PHACTR3: variants seen among roughly 807,000 people sequenced by gnomAD.
PHACTR3 encodes the protein phosphatase and actin regulator 3.
A neutral mutation model predicts 66.8 loss-of-function variants in PHACTR3; 16 were observed. The observed-to-expected ratio is 0.24, with a 90% CI of 0.16 to 0.36. PHACTR3 has a LOEUF of 0.36. PHACTR3 is among the 10% of genes least tolerant of loss of function. The pLI is 1.00. For missense variants in PHACTR3, 647 were observed against 719.9 expected (o/e 0.90, Z 1.16); for synonymous variants, 323 against 292.1 (o/e 1.11, Z -1.08).
intron 1 of PHACTR3, among the ~76,000 whole-genome samples, chr20:59,590,931 G>A (rs550079615): frequency 5.9e-5 from 9 of 152,268 alleles, no homozygotes; most frequent in African/African-American, 9.6e-5. Context: ...ATCTCTGAGC[G>A]CTGCGCTGTC....
intron 7 of PHACTR3, among the ~76,000 whole-genome samples, chr20:59,799,679 TG>T (rs531096305): frequency 2.8e-4 from 42 of 152,266 alleles, no homozygotes; most frequent in African/African-American, 9.4e-4. Context: ...TATATAGTTT[TG>T]TTGTTCTTTA....
At chr20:59,668,014 C>G (rs932048626) in intron 1 of PHACTR3, among the ~76,000 whole-genome samples, 1 of 152,222 alleles carries the variant, frequency 6.6e-6, no homozygotes, top group Admixed American at 6.5e-5. Context: ...GTGTATACAC[C>G]TGTACCGAGG....
At chr20:59,726,096 G>C (rs148607296) in intron 1 of PHACTR3, among the ~76,000 whole-genome samples, 1 of 152,192 alleles carries the variant, frequency 6.6e-6, no homozygotes, top group Non-Finnish European at 1.5e-5. Flanking sequence ...TCGATGGCAC[G>C]AGCCCAGTTG....
At chr20:59,645,478 G>A (rs1040008057) in intron 1 of PHACTR3, among the ~76,000 whole-genome samples, 6 of 152,104 alleles carry the variant, frequency 3.9e-5, no homozygotes, top group Non-Finnish European at 8.8e-5. Context: ...CGTCACGTGT[G>A]TGTCCGCCCC....
intron 1 of PHACTR3, among the ~76,000 whole-genome samples, chr20:59,673,178 G>C (rs2036253479): frequency 6.6e-6 from 1 of 152,190 alleles, no homozygotes; most frequent in Admixed American, 6.5e-5. Context: ...CATCTTCTCA[G>C]AGTTTATCTG....
intron 12 of PHACTR3, among the ~76,000 whole-genome samples, chr20:59,846,889 A>C (rs1287404523): frequency 6.6e-6 from 1 of 152,192 alleles, no homozygotes; most frequent in Non-Finnish European, 1.5e-5. Context: ...TTTAAAACTA[A>C]GTTCTAGATA....
chr20:59,686,288 G>A (rs916744054), intron 1 of PHACTR3, among the ~76,000 whole-genome samples: 1 of 152,190 alleles, frequency 6.6e-6, no homozygotes, highest in Non-Finnish European at 1.5e-5. Flanking sequence ...GTATTTATTA[G>A]CCAAGTGTCC....
intron 3 of PHACTR3, among the ~76,000 whole-genome samples, chr20:59,751,763 T>C (rs1295359182): frequency 1.3e-5 from 2 of 152,110 alleles, no homozygotes; most frequent in Non-Finnish European, 2.9e-5. Flanking sequence ...TGACTAGATG[T>C]GTGCAGTGGA....
rs1382920784 is a variant in PHACTR3, at chr20:59,829,343, C to G, written c.1329-7162C>G. On this transcript the variant is annotated intron_variant, in intron 8 of 12. Coordinates refer to ENST00000371015, the MANE Select transcript of PHACTR3 (RefSeq NM_080672.5). The surrounding 1 kb of genome is among the most constrained non-coding windows in gnomAD (Gnocchi z 4.2). The stretch of plus-strand genomic sequence containing the variant: ...ACACTCCATCCCCTCTGCCTGGATG[C>G]CCATCCCAGGTCTTTCCCTGGGCGG... Among the ~76,000 whole-genome samples, 1 of 152,176 alleles carries G rather than the reference C, an allele frequency of 6.6e-6. No individual in the cohort carries two copies. Among genetic ancestry groups the G allele is most frequent in the African/African-American group, 2.4e-5 (1 of 41,448 alleles).
At chr20:59,708,169 T>TC (rs1483734209) in intron 1 of PHACTR3, among the ~76,000 whole-genome samples, 1 of 152,084 alleles carries the variant, frequency 6.6e-6, no homozygotes, top group African/African-American at 2.4e-5. Context: ...GAGCATCAGC[T>TC]CCATCCAAGC....
intron 1 of PHACTR3, among the ~76,000 whole-genome samples, chr20:59,611,738 T>G (rs892612246): frequency 6.6e-6 from 1 of 152,174 alleles, no homozygotes; most frequent in African/African-American, 2.4e-5. Context: ...CAGCCTCGGA[T>G]GTTGTTCCCC....
In PHACTR3 at chr20:59,822,222, C is replaced by T. The variant is rs866851433; in HGVS notation, c.1329-14283C>T. Among the ~76,000 whole-genome samples the T allele has an allele frequency of 1.6e-3, 40 of 25,398 alleles. 2 individuals are homozygous for T. The highest frequency in any genetic ancestry group is 0.012 in the African/African-American group (36 of 3,104). 16.7% of individuals were successfully genotyped at this position (25,398 alleles called of 152,430 possible). A position where few individuals can be genotyped will look rare whatever the true frequency, so the allele number is the denominator to read the frequency against. ...TCCCACCCCCTCCGCAGCCATCCCA[C>T]CCCCTCCCCTGCCATCCCACCCCCT... is the stretch of plus-strand genomic sequence containing the variant. On this transcript the variant is annotated intron_variant, in intron 8 of 12. Coordinates refer to ENST00000371015, the MANE Select transcript of PHACTR3 (RefSeq NM_080672.5).
chr20:59,689,061 C>A (rs1489815882), intron 1 of PHACTR3, among the ~76,000 whole-genome samples: 3 of 152,204 alleles, frequency 2.0e-5, no homozygotes, highest in African/African-American at 7.2e-5. Context: ...TCTCTAGATA[C>A]CCACACTATC....
intron 1 of PHACTR3, among the ~76,000 whole-genome samples, chr20:59,671,899 CT>C (rs1177318952): frequency 3.3e-5 from 5 of 152,252 alleles, no homozygotes; most frequent in Admixed American, 2.0e-4. Context: ...TGTATCCAGC[CT>C]GGCCTCTCTA....
intron 7 of PHACTR3, among the ~76,000 whole-genome samples, chr20:59,782,617 GGCAAGAGAGAATGAGAACCAC>G (rs2040761798): frequency 6.6e-6 from 1 of 152,172 alleles, no homozygotes; most frequent in African/African-American, 2.4e-5. Flanking sequence ...CATGGTGGCA[GGCAAGAGAGAATGAGAACCAC>G]GCAAAAGGAG....
intron 1 of PHACTR3, among the ~76,000 whole-genome samples, chr20:59,618,569 G>A (rs1034014412): frequency 6.6e-6 from 1 of 152,212 alleles, no homozygotes; most frequent in Non-Finnish European, 1.5e-5. Flanking sequence ...AGGAGAGGAG[G>A]CTCAATCTCA....
chr20:59,598,494 G>A (rs906551482), intron 1 of PHACTR3, among the ~76,000 whole-genome samples: 1 of 152,178 alleles, frequency 6.6e-6, no homozygotes, highest in African/African-American at 2.4e-5. Flanking sequence ...TGACCCCAAG[G>A]AGGGCTAGGC....
intron 1 of PHACTR3, among the ~76,000 whole-genome samples, chr20:59,729,044 G>A (rs1601205488): frequency 6.6e-6 from 1 of 152,150 alleles, no homozygotes; most frequent in Non-Finnish European, 1.5e-5. Flanking sequence ...GCCTGGGGAG[G>A]CTGCAGAGAA....
Position 59,767,208 on chromosome 20 carries a change from T to C in PHACTR3, c.564T>C (p.Ser188=). Reference sequence around the variant, plus strand: ...CAGCCAAGATGCCTTCTGCATCCAGTGGTGAAGAAGCAGACGCTGGCAGCC... The same window carrying C: ...CAGCCAAGATGCCTTCTGCATCCAGCGGTGAAGAAGCAGACGCTGGCAGCC... ...DDAAKMPSAS[S]GEEADAGSLL... The change falls in exon 5 of 13, where the codon AGT becomes AGC. Residue 188 remains serine (S), a synonymous_variant. Transcript: ENST00000371015. The C allele has an allele frequency of 6.2e-7, 1 of 1,614,224 alleles. No individual in the cohort carries two copies. Among genetic ancestry groups the C allele is most frequent in the East Asian group, 2.2e-5 (1 of 44,884 alleles).
Sources: gnomAD v4.1 joint callset for allele counts (sites outside exome capture counted in the v4.1 genomes callset) on GRCh38, gnomAD v4.1.1 for gene constraint, Gnocchi (gnomAD v3.1) non-coding constraint, MANE v1.5 for transcripts, NCBI Gene and HGNC (gene_info 2026-07-23, HGNC 2026-07-21) for gene names.